The following MAN1C1 variants were observed in gnomAD, a reference collection of about 807,000 sequenced individuals.
The protein encoded by MAN1C1 is mannosidase alpha class 1C member 1.
A neutral mutation model predicts 71.5 loss-of-function variants in MAN1C1; 49 were observed. The observed-to-expected ratio is 0.69, with a 90% CI of 0.54 to 0.87. The LOEUF (loss-of-function observed/expected upper bound fraction) is 0.87, where lower values mean the gene tolerates loss of function less well. Ranked by LOEUF, MAN1C1 falls within the 40% of genes least tolerant of loss-of-function variation. The pLI is 0.00. For synonymous variants in MAN1C1, 352 were observed against 343.7 expected, an observed-to-expected ratio of 1.02 and a Z score of -0.27; for missense variants, 743 against 835.0, an observed-to-expected ratio of 0.89 and a Z score of 1.36.
chr1:25,754,716 G>A (rs371846001), intron 5 of MAN1C1, among the ~76,000 whole-genome samples: 3 of 152,078 alleles, frequency 2.0e-5, no homozygotes, highest in African/African-American at 4.8e-5. Flanking sequence ...CCCCCTCCCC[G>A]GGTCTGGGGT....
rs867366547 is a variant in MAN1C1, at chr1:25,675,587, G to A, written c.541-10853G>A. On this transcript the variant is annotated intron_variant, in intron 1 of 11. Coordinates refer to ENST00000374332, the MANE Select transcript of MAN1C1 (RefSeq NM_020379.4). Reference sequence around the variant, plus strand: ...TTTCATATAATGACTTATTTTGCGGGGGGGGGGGGAGGTGGTTACCCAGTG... The same window carrying A: ...TTTCATATAATGACTTATTTTGCGGAGGGGGGGGGAGGTGGTTACCCAGTG... Among the ~76,000 whole-genome samples the A allele has an allele frequency of 4.3e-5, 6 of 141,158 alleles. 1 individual carries two copies. Among genetic ancestry groups the A allele is most frequent in the Admixed American group, 1.4e-4 (2 of 14,292 alleles). 92.6% of individuals were successfully genotyped at this position (141,158 alleles called of 152,430 possible).
chr1:25,635,680 C>A (rs1464268276), intron 1 of MAN1C1, among the ~76,000 whole-genome samples: 1 of 152,068 alleles, frequency 6.6e-6, no homozygotes, highest in Non-Finnish European at 1.5e-5. Context: ...AACTCCTGAC[C>A]TCATGTGATC....
chr1:25,746,253 C>G lies in MAN1C1; in HGVS notation c.638-415C>G, dbSNP rs184644625. 3.3e-5 allele frequency among the ~76,000 whole-genome samples: 5 copies of G among 152,252 alleles called. No individual in the cohort carries two copies. The highest frequency in any genetic ancestry group is 4.2e-4 in the South Asian group (2 of 4,818). On this transcript the variant is annotated intron_variant, in intron 2 of 11. Transcript: ENST00000374332. This position sits in a 1 kb window ranked among gnomAD's most constrained non-coding sequence, Gnocchi z 4.0. ...CTGGGAGGCAGAGGTTGGAGTGAGCCGAGATCGCACCATTGCACTCCAGAC... is the reference window on the plus strand; with the variant it reads ...CTGGGAGGCAGAGGTTGGAGTGAGCGGAGATCGCACCATTGCACTCCAGAC...
chr1:25,728,231 G>T (rs140113708), intron 2 of MAN1C1, among the ~76,000 whole-genome samples: 70 of 152,296 alleles, frequency 4.6e-4, no homozygotes, highest in African/African-American at 1.7e-3. Context: ...GGCCTTAGCT[G>T]CTGCACTCCC....
intron 2 of MAN1C1, among the ~76,000 whole-genome samples, chr1:25,702,077 A>G (rs2046451958): frequency 6.6e-6 from 1 of 152,144 alleles, no homozygotes; most frequent in Non-Finnish European, 1.5e-5. Context: ...AAATAAGTAA[A>G]TAAAAGTAAA....
At chr1:25,723,566 T>C (rs2046794895) in intron 2 of MAN1C1, among the ~76,000 whole-genome samples, 1 of 152,208 alleles carries the variant, frequency 6.6e-6, no homozygotes. Flanking sequence ...TCTTTGTGGA[T>C]TGATGCATTA....
chr1:25,655,400 C>CT (rs1230572209), intron 1 of MAN1C1, among the ~76,000 whole-genome samples: 1 of 152,206 alleles, frequency 6.6e-6, no homozygotes, highest in Non-Finnish European at 1.5e-5. Flanking sequence ...CCCCTCTTGC[C>CT]TCTGTGATTG....
At position 25,782,681 on chromosome 1, in the gene MAN1C1, T is replaced by C; in HGVS notation, c.1747T>C (p.Phe583Leu). 6.2e-7 allele frequency: 1 copy of C among 1,613,968 alleles called. No individual in the cohort carries two copies. Among genetic ancestry groups the C allele is most frequent in the Non-Finnish European group, 8.5e-7 (1 of 1,179,888 alleles). ...CCACGACAACAAGCAGCAGAGCTTC[T>C]TTCTAGCGGAGACACTAAAGTGAGC... is the stretch of plus-strand genomic sequence containing the variant. ...PNHDNKQQSF[F>L]LAETLKYLYL... is the part of the protein sequence containing the mutation. Residue 583 changes from phenylalanine (F) to leucine (L), a missense_variant, in exon 11 of 12, where the codon TTT becomes CTT. Coordinates refer to ENST00000374332, the MANE Select transcript of MAN1C1 (RefSeq NM_020379.4). This position sits in a 1 kb window ranked among gnomAD's most constrained non-coding sequence, Gnocchi z 4.4.
intron 1 of MAN1C1, among the ~76,000 whole-genome samples, chr1:25,671,702 G>A (rs1164464496): frequency 6.6e-6 from 1 of 152,180 alleles, no homozygotes; most frequent in African/African-American, 2.4e-5. Flanking sequence ...CCGTGAGGTA[G>A]TGTATTAGTT....
intron 2 of MAN1C1, among the ~76,000 whole-genome samples, chr1:25,733,998 A>T (rs562029874): frequency 1.3e-5 from 2 of 152,032 alleles, no homozygotes; most frequent in Admixed American, 6.5e-5. Context: ...ATGGGGTTTC[A>T]CCGTGTTAGC....
intron 2 of MAN1C1, among the ~76,000 whole-genome samples, chr1:25,708,909 C>A (rs1445825947): frequency 1.3e-5 from 2 of 152,012 alleles, no homozygotes; most frequent in African/African-American, 4.8e-5. Context: ...AAGCCACTGG[C>A]TTGGAAAGTA....
chr1:25,764,066 G>A lies in MAN1C1; in HGVS notation c.1141+99G>A, dbSNP rs2047396662. 1.0e-6 allele frequency: 1 copy of A among 980,512 alleles called. No homozygotes were observed. The highest frequency in any genetic ancestry group is 2.4e-5 in the East Asian group (1 of 40,890). The allele number at this position is 980,512 out of a possible 1,614,324, so 60.7% of individuals were successfully genotyped here. A position where few individuals can be genotyped will look rare whatever the true frequency, so the allele number is the denominator to read the frequency against. Reference sequence around the variant, plus strand: ...CCCTGGGCTGAGTGAGGATGTGTCTGTCAGAGCCATGCAGCCAGCAAGGCA... The same window carrying A: ...CCCTGGGCTGAGTGAGGATGTGTCTATCAGAGCCATGCAGCCAGCAAGGCA... On this transcript the variant is annotated intron_variant, in intron 7 of 11. Transcript: ENST00000374332. The surrounding 1 kb of genome is among the most constrained non-coding windows in gnomAD (Gnocchi z 4.4).
chr1:25,743,417 C>T (rs149673328), intron 2 of MAN1C1, among the ~76,000 whole-genome samples: 1,524 of 152,284 alleles, frequency 0.01, 26 homozygotes, highest in African/African-American at 0.033. Context: ...GGGAGCTGCC[C>T]CAGGGTGGCT....
intron 1 of MAN1C1, among the ~76,000 whole-genome samples, chr1:25,623,458 G>T (rs1385709772): frequency 2.6e-5 from 4 of 151,996 alleles, no homozygotes; most frequent in African/African-American, 7.2e-5. Flanking sequence ...TGGTGGTGGG[G>T]GGGGGTAAGA....
intron 2 of MAN1C1, among the ~76,000 whole-genome samples, chr1:25,712,480 C>T (rs1208973986): frequency 3.3e-5 from 5 of 152,182 alleles, no homozygotes; most frequent in African/African-American, 1.2e-4. Context: ...TCTGGGGCGG[C>T]TTCCTGGGAG....
At chr1:25,704,037 T>C (rs1040239907) in intron 2 of MAN1C1, among the ~76,000 whole-genome samples, 2 of 152,188 alleles carry the variant, frequency 1.3e-5, no homozygotes, top group Admixed American at 1.3e-4. Flanking sequence ...CCCTGCCACA[T>C]GCTTCTGGCT....
intron 1 of MAN1C1, among the ~76,000 whole-genome samples, chr1:25,633,015 G>A (rs1460530583): frequency 2.0e-5 from 3 of 151,762 alleles, no homozygotes; most frequent in African/African-American, 2.4e-5. Flanking sequence ...CTACAGGTGC[G>A]TGCCACCACA....
chr1:25,729,759 C>T (rs1177263990), intron 2 of MAN1C1, among the ~76,000 whole-genome samples: 2 of 152,204 alleles, frequency 1.3e-5, no homozygotes, highest in East Asian at 3.9e-4. Flanking sequence ...ATCTGCCCAC[C>T]TCGGTCTCCC....
At chr1:25,621,663 G>A (rs1471396518) in intron 1 of MAN1C1, among the ~76,000 whole-genome samples, 5 of 151,418 alleles carry the variant, frequency 3.3e-5, no homozygotes, top group South Asian at 2.1e-4. Context: ...TTGCTCTGTC[G>A]TCGAGGCTGC....
Sources: gnomAD v4.1 joint callset for allele counts (sites outside exome capture counted in the v4.1 genomes callset) on GRCh38, gnomAD v4.1.1 for gene constraint, Gnocchi (gnomAD v3.1) non-coding constraint, MANE v1.5 for transcripts, NCBI Gene and HGNC (gene_info 2026-07-23, HGNC 2026-07-21) for gene names.